Variants in HPSE2 observed in about 807,000 individuals in gnomAD.
The protein encoded by HPSE2 is heparanase 2 (inactive), also known as inactive heparanase-2.
Under a neutral mutation model 60.5 loss-of-function variants are expected in HPSE2, and 38 were observed. The observed-to-expected ratio is 0.63, with a 90% CI of 0.48 to 0.82. The LOEUF (loss-of-function observed/expected upper bound fraction) is 0.82. Among genes scored for constraint, HPSE2 ranks in the 40% least tolerant of loss-of-function variants. HPSE2 has a pLI of 0.00. For missense variants in HPSE2, 713 were observed against 740.4 expected (o/e 0.96, Z 0.43); for synonymous variants, 295 against 293.2 (o/e 1.01, Z -0.06).
chr10:98,809,228 A>G (rs181256186), intron 3 of HPSE2, among the ~76,000 whole-genome samples: 1 of 152,276 alleles, frequency 6.6e-6, no homozygotes, highest in Admixed American at 6.5e-5. Flanking sequence ...TGGGTAGAAT[A>G]AGGGTAAGTG....
At chr10:99,044,999 A>G (rs1190516703) in intron 3 of HPSE2, among the ~76,000 whole-genome samples, 1 of 152,068 alleles carries the variant, frequency 6.6e-6, no homozygotes, top group African/African-American at 2.4e-5. Context: ...CAAATGCAAC[A>G]CTTAACCAAT....
At chr10:98,600,911 G>GTATATATGTGTGTGTGTGTATA (rs576143051) in intron 9 of HPSE2, among the ~76,000 whole-genome samples, 25 of 73,720 alleles carry the variant, frequency 3.4e-4, no homozygotes, top group African/African-American at 8.5e-4. Flanking sequence ...ATGTGTGTGT[G>GTATATATGTGTGTGTGTGTATA]TATATATATA....
intron 8 of HPSE2, among the ~76,000 whole-genome samples, chr10:98,618,725 T>A (rs1202289468): frequency 2.6e-5 from 4 of 152,284 alleles, no homozygotes; most frequent in Non-Finnish European, 4.4e-5. Context: ...TACAGGCGCA[T>A]GCCACCATGC....
At chr10:98,598,051 C>T (rs555499529) in intron 9 of HPSE2, among the ~76,000 whole-genome samples, 1 of 148,640 alleles carries the variant, frequency 6.7e-6, no homozygotes, top group African/African-American at 2.5e-5. Context: ...CATTCCCTTT[C>T]ATTCTTTTTT....
At chr10:98,865,244 G>A (rs1056318614) in intron 3 of HPSE2, among the ~76,000 whole-genome samples, 8 of 151,862 alleles carry the variant, frequency 5.3e-5, no homozygotes, top group Non-Finnish European at 7.4e-5. Context: ...TAAGTTAGAA[G>A]GTATGTTAAC....
rs151187471 is a variant in HPSE2, at chr10:99,187,724, AGACT to A, written c.449-43329_449-43326del. On this transcript the variant is annotated intron_variant, in intron 2 of 11. Transcript: ENST00000370552. ...CTCACTAGAACTGCTAAAATTAAAA[AGACT>A]GACTATAATAAGCTTTGATAAGGAT... Among the ~76,000 whole-genome samples, 184 of 152,358 alleles carry A rather than the reference AGACT, an allele frequency of 1.2e-3. 1 individual carries two copies. The highest frequency in any genetic ancestry group is 4.1e-3 in the African/African-American group (169 of 41,586).
chr10:98,910,135 G>A (rs1241241421), intron 3 of HPSE2, among the ~76,000 whole-genome samples: 1 of 152,214 alleles, frequency 6.6e-6, no homozygotes, highest in Non-Finnish European at 1.5e-5. Context: ...GGTGCTACTG[G>A]GAAGGGCACT....
At chr10:98,789,897 G>A (rs1039856861) in intron 3 of HPSE2, among the ~76,000 whole-genome samples, 3 of 152,068 alleles carry the variant, frequency 2.0e-5, no homozygotes, top group African/African-American at 4.8e-5. Flanking sequence ...ATATTCCCAC[G>A]TAATAGTTGA....
intron 9 of HPSE2, among the ~76,000 whole-genome samples, chr10:98,600,927 A>ATATATATATATAT (rs1473671254): frequency 3.1e-4 from 8 of 25,772 alleles, no homozygotes; most frequent in South Asian, 3.9e-3. Flanking sequence ...ATATATATAT[A>ATATATATATATAT]TATATATATA....
At chr10:98,960,984 A>G (rs1377899771) in intron 3 of HPSE2, among the ~76,000 whole-genome samples, 9 of 83,952 alleles carry the variant, frequency 1.1e-4, no homozygotes, top group African/African-American at 3.9e-4. Context: ...GAGTGAGAAT[A>G]TGCGGTGTTT....
intron 3 of HPSE2, among the ~76,000 whole-genome samples, chr10:98,873,341 C>T (rs925541158): frequency 6.6e-6 from 1 of 151,908 alleles, no homozygotes; most frequent in African/African-American, 2.4e-5. Flanking sequence ...GACCCATCCT[C>T]TAAGTTGCCT....
Position 98,479,760 on chromosome 10 carries a change from C to T in HPSE2, c.1613+2876G>A, listed in dbSNP as rs147628812. ...AATCCAGTTCCCTTGAATTCCAATC[C>T]AAAACTCTCTAATCCAACATATGTA... On this transcript the variant is annotated intron_variant, in intron 11 of 11. Coordinates refer to ENST00000370552, the MANE Select transcript of HPSE2 (RefSeq NM_021828.5). 1.4e-4 allele frequency among the ~76,000 whole-genome samples: 22 copies of T among 152,310 alleles called. No individual in the cohort carries two copies. The East Asian group carries it at 4.3e-3, about 29-fold the overall frequency.
intron 3 of HPSE2, among the ~76,000 whole-genome samples, chr10:98,840,622 G>A (rs1824715552): frequency 6.6e-6 from 1 of 152,114 alleles, no homozygotes; most frequent in Non-Finnish European, 1.5e-5. Flanking sequence ...AAAATGAGGA[G>A]GGATTCAGAG....
chr10:98,573,283 G>A (rs1176041669), intron 9 of HPSE2, among the ~76,000 whole-genome samples: 1 of 152,124 alleles, frequency 6.6e-6, no homozygotes, highest in Non-Finnish European at 1.5e-5. Flanking sequence ...AACAAAATCT[G>A]GAACTCACTT....
At chr10:99,055,298 T>C (rs1213587605) in intron 3 of HPSE2, among the ~76,000 whole-genome samples, 1 of 151,960 alleles carries the variant, frequency 6.6e-6, no homozygotes, top group Non-Finnish European at 1.5e-5. Context: ...GGCAACTAAA[T>C]ACACATACAA....
chr10:98,734,856 CAGTACAAAG>C (rs1277000521), intron 4 of HPSE2, among the ~76,000 whole-genome samples: 1 of 149,974 alleles, frequency 6.7e-6, no homozygotes, highest in Non-Finnish European at 1.5e-5. Flanking sequence ...ATTGAGTAGA[CAGTACAAAG>C]AGTACCCATA....
At chr10:98,909,850 C>T (rs1311674249) in intron 3 of HPSE2, among the ~76,000 whole-genome samples, 1 of 151,874 alleles carries the variant, frequency 6.6e-6, no homozygotes, top group Non-Finnish European at 1.5e-5. Context: ...GTAAACTATA[C>T]TCGTGATGGA....
intron 7 of HPSE2, among the ~76,000 whole-genome samples, chr10:98,623,596 T>C (rs1411283114): frequency 3.9e-5 from 6 of 152,214 alleles, no homozygotes; most frequent in African/African-American, 1.4e-4. Context: ...AACAAGAATG[T>C]ACCCTGGAAA....
intron 6 of HPSE2, among the ~76,000 whole-genome samples, chr10:98,667,559 C>T (rs1266747320): frequency 6.6e-6 from 1 of 152,100 alleles, no homozygotes; most frequent in Non-Finnish European, 1.5e-5. Context: ...TTTAGCAGCA[C>T]ATCAAAAAGT....
Sources: gnomAD v4.1 joint callset for allele counts (sites outside exome capture counted in the v4.1 genomes callset) on GRCh38, gnomAD v4.1.1 for gene constraint, MANE v1.5 for transcripts, NCBI Gene and HGNC (gene_info 2026-07-23, HGNC 2026-07-21) for gene names.